Variants in HTATIP2 observed in about 807,000 individuals in gnomAD.
HTATIP2 encodes protein HTATIP2.
A neutral mutation model predicts 24.7 loss-of-function variants in HTATIP2; 26 were observed. The ratio of observed to expected loss-of-function variants is 1.05; its 90% CI spans 0.77 to 1.46. HTATIP2 has a LOEUF of 1.46. Ranked by LOEUF, HTATIP2 falls within the 40% of genes most tolerant of loss-of-function variation. The pLI is 0.00. For missense variants in HTATIP2, 284 were observed against 289.6 expected (o/e 0.98, Z 0.14); for synonymous variants, 99 against 113.2 (o/e 0.87, Z 0.79).
intron 4 of HTATIP2, 146 bp from the exon 5 acceptor site, chr11:20,382,834 T>G (rs921701399): frequency 1.9e-6 from 1 of 536,108 alleles, no homozygotes; most frequent in Non-Finnish European, 3.2e-6. Flanking sequence ...ATGCCTTATC[T>G]TCAAATATAG....
chr11:20,382,946 G>A, intron 4 of HTATIP2, 34 bp from the exon 5 acceptor site: 1 of 1,518,750 alleles, frequency 6.6e-7, no homozygotes, highest in Non-Finnish European at 8.9e-7. Flanking sequence ...CTCTTCCTCT[G>A]CTTTTCTTTC....
At chr11:20,379,767 T>A (rs1848492712) in intron 3 of HTATIP2, among the ~76,000 whole-genome samples, 1 of 152,184 alleles carries the variant, frequency 6.6e-6, no homozygotes, top group Non-Finnish European at 1.5e-5. Context: ...CATGTGACAT[T>A]TTATTATTGG....
intron 2 of HTATIP2, among the ~76,000 whole-genome samples, chr11:20,369,703 C>G (rs1408693353): frequency 6.6e-6 from 1 of 152,084 alleles, no homozygotes; most frequent in South Asian, 2.1e-4. Context: ...TTTATAAGAC[C>G]ACTAGTCATA....
chr11:20,370,004 C>A (rs2064754625), intron 2 of HTATIP2, among the ~76,000 whole-genome samples: 1 of 152,208 alleles, frequency 6.6e-6, no homozygotes, highest in South Asian at 2.1e-4. Flanking sequence ...GTTGTTCAGT[C>A]AATGCACTGG....
At chr11:20,380,687 A>AG (rs1406824249) in intron 3 of HTATIP2, among the ~76,000 whole-genome samples, 1 of 151,782 alleles carries the variant, frequency 6.6e-6, no homozygotes, top group East Asian at 1.9e-4. Context: ...AAAAAAAAAA[A>AG]AAAAGCTAAG....
rs1021791427 is a variant in HTATIP2 at position 20,383,734 on chromosome 11, AATAC to A, written c.*532_*535del. The A allele has an allele frequency of 6.5e-6, 1 of 154,908 alleles. No individual in the cohort carries two copies. The highest frequency in any genetic ancestry group is 2.4e-5 in the African/African-American group (1 of 41,476). 9.6% of individuals were successfully genotyped at this position (154,908 alleles called of 1,614,324 possible). On this transcript the variant is annotated 3_prime_UTR_variant, in exon 5 of 5. Coordinates refer to ENST00000451739, the MANE Select transcript of HTATIP2 (RefSeq NM_001098522.2). ...AGAAGTTATATACCTAAGCTTATATAATACATGGGGAGGATTAAATAAAGGAATA... is the reference window on the plus strand; with the variant it reads ...AGAAGTTATATACCTAAGCTTATATAATGGGGAGGATTAAATAAAGGAATA...
chr11:20,371,495 C>T lies in HTATIP2; in HGVS notation c.303+4214C>T, dbSNP rs569607277. 3.9e-5 allele frequency among the ~76,000 whole-genome samples: 6 copies of T among 152,194 alleles called. No individual in the cohort carries two copies. In the South Asian group the frequency reaches 1.2e-3, roughly 32 times the overall value. ...GTGATTTCGGCTCACTGCAGGAGTG[C>T]GATTTCGGTCACTGCAGCCTCCACC... On this transcript the variant is annotated intron_variant, in intron 2 of 4. Transcript: ENST00000451739.
intron 2 of HTATIP2, among the ~76,000 whole-genome samples, chr11:20,374,796 G>C (rs931604248): frequency 6.6e-6 from 1 of 152,122 alleles, no homozygotes; most frequent in African/African-American, 2.4e-5. Flanking sequence ...TAATGTGTTT[G>C]TTACAACAAA....
intron 3 of HTATIP2, among the ~76,000 whole-genome samples, chr11:20,380,509 A>G (rs1848502123): frequency 6.6e-6 from 1 of 152,066 alleles, no homozygotes; most frequent in South Asian, 2.1e-4. Context: ...CGTCTCTACT[A>G]AAAATACAAA....
At chr11:20,367,904 ATAGT>A (rs1280242748) in intron 2 of HTATIP2, among the ~76,000 whole-genome samples, 1 of 152,210 alleles carries the variant, frequency 6.6e-6, no homozygotes. Flanking sequence ...AGTTTACTAC[ATAGT>A]TAGAAATCAG....
intron 1 of HTATIP2, among the ~76,000 whole-genome samples, chr11:20,365,888 T>C (rs1306904489): frequency 6.7e-6 from 1 of 150,318 alleles, no homozygotes; most frequent in East Asian, 2.0e-4. Flanking sequence ...CGAGAATCAC[T>C]TGAACCCAGG....
chr11:20,369,430 T>C (rs1035633660), intron 2 of HTATIP2, among the ~76,000 whole-genome samples: 1 of 152,190 alleles, frequency 6.6e-6, no homozygotes, highest in East Asian at 1.9e-4. Flanking sequence ...TCTGTGTAGG[T>C]GGCTTATTTC....
At chr11:20,364,889 A>C (rs2064678650) in intron 1 of HTATIP2, among the ~76,000 whole-genome samples, 1 of 152,182 alleles carries the variant, frequency 6.6e-6, no homozygotes, top group Non-Finnish European at 1.5e-5. Flanking sequence ...TATGGCAGTG[A>C]AAGGTGGGAT....
intron 2 of HTATIP2, among the ~76,000 whole-genome samples, chr11:20,374,403 C>T (rs1428030523): frequency 2.6e-5 from 4 of 152,172 alleles, no homozygotes; most frequent in Non-Finnish European, 4.4e-5. Context: ...ACGGGTTTAC[C>T]TGAGATAAAA....
intron 3 of HTATIP2, 144 bp from the exon 4 acceptor site, chr11:20,382,034 G>A (rs1848528210): frequency 1.7e-6 from 1 of 582,802 alleles, no homozygotes; most frequent in East Asian, 2.9e-5. Context: ...AGACTCCTTG[G>A]AACCTAAAAT....
chr11:20,382,971 T>TATTTTAGAGTTC lies in HTATIP2; in HGVS notation c.504-9_504-8insATTTTAGAGTTC. The TATTTTAGAGTTC allele has an allele frequency of 1.3e-6, 2 of 1,570,834 alleles. No homozygotes were observed. The highest frequency in any genetic ancestry group is 8.6e-7 in the Non-Finnish European group (1 of 1,162,842). On this transcript the variant is annotated splice_polypyrimidine_tract_variant and intron_variant, in intron 4 of 4. Coordinates refer to ENST00000451739, the MANE Select transcript of HTATIP2 (RefSeq NM_001098522.2). ...GCTTTTCTTTCTTTTTTTTTTTTTT[T>TATTTTAGAGTTC]TATTTTAGAGTTCTGTTATGTGATA...
chr11:20,372,736 G>A (rs2064784563), intron 2 of HTATIP2, among the ~76,000 whole-genome samples: 1 of 152,144 alleles, frequency 6.6e-6, no homozygotes, highest in African/African-American at 2.4e-5. Context: ...GCTTGCTTTA[G>A]TTAGTTTTTC....
chr11:20,371,689 T>C (rs2133269575), intron 2 of HTATIP2, among the ~76,000 whole-genome samples: 1 of 152,234 alleles, frequency 6.6e-6, no homozygotes, highest in Non-Finnish European at 1.5e-5. Flanking sequence ...TCTGCTTGCC[T>C]CGGCCTCCCA....
chr11:20,367,477 T>G, intron 2 of HTATIP2, 196 bp downstream of exon 2: 2 of 1,462,696 alleles, frequency 1.4e-6, no homozygotes, highest in Non-Finnish European at 1.8e-6. Flanking sequence ...AAAGTAATCC[T>G]TGAGTTCAGG....
Sources: gnomAD v4.1 joint callset for allele counts (sites outside exome capture counted in the v4.1 genomes callset) on GRCh38, gnomAD v4.1.1 for gene constraint, MANE v1.5 for transcripts, NCBI Gene and HGNC (gene_info 2026-07-23, HGNC 2026-07-21) for gene names.